KCTD8: variants seen among roughly 807,000 people sequenced by gnomAD.
KCTD8 encodes BTB/POZ domain-containing protein KCTD8.
In KCTD8, 27 loss-of-function variants were observed where a neutral mutation model predicts 31.5. That is an observed-to-expected ratio of 0.86 (90% CI 0.63 to 1.18). The LOEUF is 1.18. Ranked by LOEUF, KCTD8 falls within the 50% of genes most tolerant of loss-of-function variation. The pLI is 0.00. For missense variants in KCTD8, 658 were observed against 647.7 expected (o/e 1.02, Z -0.17); for synonymous variants, 290 against 280.0 (o/e 1.04, Z -0.36).
intron 1 of KCTD8, among the ~76,000 whole-genome samples, chr4:44,185,315 C>T (rs955468357): frequency 6.6e-6 from 1 of 152,190 alleles, no homozygotes; most frequent in Non-Finnish European, 1.5e-5. Flanking sequence ...TGACAGGTTT[C>T]TTATTATTTC....
At chr4:44,401,243 G>C (rs562351605) in intron 1 of KCTD8, among the ~76,000 whole-genome samples, 1 of 152,114 alleles carries the variant, frequency 6.6e-6, no homozygotes, top group East Asian at 1.9e-4. Flanking sequence ...TTTCAAGCAA[G>C]ACTTCAGAAT....
At chr4:44,317,067 T>C (rs899805904) in intron 1 of KCTD8, among the ~76,000 whole-genome samples, 2 of 151,174 alleles carry the variant, frequency 1.3e-5, no homozygotes, top group African/African-American at 4.8e-5. Flanking sequence ...AGGCTGTAAT[T>C]GGGCACAGAA....
intron 1 of KCTD8, among the ~76,000 whole-genome samples, chr4:44,420,054 C>T (rs1276619243): frequency 6.6e-6 from 1 of 151,216 alleles, no homozygotes; most frequent in Non-Finnish European, 1.5e-5. Flanking sequence ...GAAAACAAGG[C>T]ATGATATTAT....
chr4:44,343,921 C>T (rs998148635), intron 1 of KCTD8, among the ~76,000 whole-genome samples: 5 of 151,746 alleles, frequency 3.3e-5, no homozygotes, highest in Non-Finnish European at 5.9e-5. Flanking sequence ...TGCAGTGGCC[C>T]GATCTCAGCT....
chr4:44,286,625 A>G (rs930714841), intron 1 of KCTD8, among the ~76,000 whole-genome samples: 2 of 152,286 alleles, frequency 1.3e-5, no homozygotes, highest in East Asian at 3.9e-4. Context: ...AGGGCCAATA[A>G]CAGATACGTT....
chr4:44,318,127 C>A (rs1718192103), intron 1 of KCTD8, among the ~76,000 whole-genome samples: 1 of 152,166 alleles, frequency 6.6e-6, no homozygotes, highest in Non-Finnish European at 1.5e-5. Flanking sequence ...TACATCAATA[C>A]TATGTAGTCT....
chr4:44,442,304 T>G (rs1000991357), intron 1 of KCTD8, among the ~76,000 whole-genome samples: 1 of 152,140 alleles, frequency 6.6e-6, no homozygotes, highest in African/African-American at 2.4e-5. Context: ...TATAAAATTA[T>G]GGACAGGTAT....
intron 1 of KCTD8, among the ~76,000 whole-genome samples, chr4:44,431,630 A>T (rs1577669576): frequency 6.6e-6 from 1 of 151,546 alleles, no homozygotes; most frequent in East Asian, 1.9e-4. Flanking sequence ...AGAATATTCT[A>T]GTCTCCTGTA....
At chr4:44,343,230 A>T (rs1718950211) in intron 1 of KCTD8, among the ~76,000 whole-genome samples, 1 of 152,182 alleles carries the variant, frequency 6.6e-6, no homozygotes, top group African/African-American at 2.4e-5. Context: ...ACACTTAGAG[A>T]CTGCTGCATG....
chr4:44,295,916 A>T (rs974893592), intron 1 of KCTD8, among the ~76,000 whole-genome samples: 5 of 152,320 alleles, frequency 3.3e-5, no homozygotes, highest in South Asian at 4.1e-4. Flanking sequence ...TCTTTGTAAA[A>T]TAGTTAACCT....
At chr4:44,209,335 T>C (rs1483405520) in intron 1 of KCTD8, among the ~76,000 whole-genome samples, 3 of 152,188 alleles carry the variant, frequency 2.0e-5, no homozygotes, top group Non-Finnish European at 4.4e-5. Context: ...TCAAATATGA[T>C]TTTCATCTCT....
chr4:44,345,100 T>C (rs974649746), intron 1 of KCTD8, among the ~76,000 whole-genome samples: 2 of 152,198 alleles, frequency 1.3e-5, no homozygotes, highest in African/African-American at 4.8e-5. Context: ...CAGTTTCTTC[T>C]TTCTTATGCT....
chr4:44,443,088 G>A (rs548743024), intron 1 of KCTD8, among the ~76,000 whole-genome samples: 1 of 152,220 alleles, frequency 6.6e-6, no homozygotes, highest in Non-Finnish European at 1.5e-5. Context: ...TTTATTACTG[G>A]AACTAGCTAC....
At position 44,320,618 on chromosome 4, in the gene KCTD8, A is replaced by G. The variant is rs184265277; in HGVS notation, c.961+126945T>C. On this transcript the variant is annotated intron_variant, in intron 1 of 1. Transcript: ENST00000360029. ...AATAAAGCATTTTTATTTTAGAAGC[A>G]TAAGTAAAACCTAAGAAGACTCTGG... Among the ~76,000 whole-genome samples the G allele has an allele frequency of 3.6e-3, 548 of 152,328 alleles. 2 individuals are homozygous for G. Among genetic ancestry groups the G allele is most frequent in the African/African-American group, 0.012 (519 of 41,594 alleles).
chr4:44,423,781 T>C (rs188866611), intron 1 of KCTD8, among the ~76,000 whole-genome samples: 3 of 152,250 alleles, frequency 2.0e-5, no homozygotes, highest in Admixed American at 6.5e-5. Context: ...AAAAAAAGAA[T>C]GTTTTAATCA....
intron 1 of KCTD8, among the ~76,000 whole-genome samples, chr4:44,241,752 C>T (rs943684811): frequency 3.9e-5 from 6 of 152,130 alleles, no homozygotes; most frequent in Admixed American, 6.5e-5. Flanking sequence ...ATAGCAGGCA[C>T]GGTTAACCAG....
At chr4:44,191,044 G>A (rs1009919283) in intron 1 of KCTD8, among the ~76,000 whole-genome samples, 7 of 152,116 alleles carry the variant, frequency 4.6e-5, no homozygotes, top group Non-Finnish European at 7.4e-5. Flanking sequence ...TGGAGGGACC[G>A]GCTGGAGCCG....
chr4:44,341,780 C>A (rs1419719857), intron 1 of KCTD8, among the ~76,000 whole-genome samples: 1 of 152,258 alleles, frequency 6.6e-6, no homozygotes, highest in Admixed American at 6.5e-5. Flanking sequence ...CAACTTCTTC[C>A]AAACTCCTGT....
At chr4:44,351,080 ATTTATTCTGTTCC>A (rs1001962186) in intron 1 of KCTD8, among the ~76,000 whole-genome samples, 1 of 152,074 alleles carries the variant, frequency 6.6e-6, no homozygotes, top group Non-Finnish European at 1.5e-5. Flanking sequence ...ATTCTCTCCC[ATTTATTCTGTTCC>A]TTTACCGTGC....
Sources: gnomAD v4.1 joint callset for allele counts (sites outside exome capture counted in the v4.1 genomes callset) on GRCh38, gnomAD v4.1.1 for gene constraint, MANE v1.5 for transcripts, NCBI Gene and HGNC (gene_info 2026-07-23, HGNC 2026-07-21) for gene names.